The following PCBP2 variants were observed in gnomAD, a reference collection of about 807,000 sequenced individuals.
The protein encoded by PCBP2 is poly(rC)-binding protein 2.
Under a neutral mutation model 50.1 loss-of-function variants are expected in PCBP2, and 4 were observed. The ratio of observed to expected loss-of-function variants is 0.08; its 90% confidence interval spans 0.04 to 0.18. PCBP2 has a LOEUF of 0.18. Among genes scored for constraint, PCBP2 ranks in the 10% least tolerant of loss-of-function variants. The probability of loss-of-function intolerance (pLI) is 1.00; values close to 1 mark genes in which losing one functional copy is unlikely to be tolerated. For synonymous variants in PCBP2, 179 were observed against 168.0 expected, an observed-to-expected ratio of 1.07 and a Z score of -0.51; for missense variants, 161 against 474.3, an observed-to-expected ratio of 0.34 and a Z score of 6.14.
At chr12:53,475,510 G>A (rs1364557735) in intron 14 of PCBP2, 1 of 190,052 alleles carries the variant, frequency 5.3e-6, no homozygotes, top group African/African-American at 2.5e-5. Context: ...ATAACAATGT[G>A]TTAGGCTCTG....
At chr12:53,459,870 C>T (rs1446359421) in intron 6 of PCBP2, 2 of 454,396 alleles carry the variant, frequency 4.4e-6, no homozygotes, top group Non-Finnish European at 8.9e-6. Flanking sequence ...AGGCGATCCT[C>T]TCATCTCAGC....
intron 2 of PCBP2, 49 bp from the exon 3 acceptor site, chr12:53,455,298 G>A: frequency 2.6e-6 from 4 of 1,535,180 alleles, no homozygotes; most frequent in Non-Finnish European, 3.5e-6. Context: ...TTTTTAAAAA[G>A]GAATACTTCT....
chr12:53,474,596 A>G (rs1008252709), intron 14 of PCBP2, among the ~76,000 whole-genome samples: 3 of 152,230 alleles, frequency 2.0e-5, no homozygotes, highest in African/African-American at 4.8e-5. Flanking sequence ...TGTCAGATAC[A>G]TGAAGTATGT....
chr12:53,469,136 A>G (rs540464391), intron 13 of PCBP2, among the ~76,000 whole-genome samples: 1 of 152,158 alleles, frequency 6.6e-6, no homozygotes, highest in Non-Finnish European at 1.5e-5. Flanking sequence ...TCCCGAGCTC[A>G]GGTGATCCAC....
intron 9 of PCBP2, 166 bp downstream of exon 9, chr12:53,465,018 T>A: frequency 1.3e-6 from 1 of 796,972 alleles, no homozygotes; most frequent in Non-Finnish European, 1.7e-6. Context: ...CCAGGCCGCG[T>A]AGCCCACCAG....
At chr12:53,452,579 T>C (rs1285362157) in intron 1 of PCBP2, among the ~76,000 whole-genome samples, 1 of 148,142 alleles carries the variant, frequency 6.8e-6, no homozygotes, top group East Asian at 2.0e-4. Flanking sequence ...CAAGGCCTAT[T>C]CCCCCCTCCC....
At chr12:53,476,651 CA>C (rs534727604) in intron 14 of PCBP2, among the ~76,000 whole-genome samples, 2,363 of 135,418 alleles carry the variant, frequency 0.017, 33 homozygotes, top group African/African-American at 0.052. Context: ...CATTGGCTGA[CA>C]AAAAAAAAAA....
At chr12:53,456,911 A>G (rs146018637) in intron 5 of PCBP2, among the ~76,000 whole-genome samples, 48 of 148,978 alleles carry the variant, frequency 3.2e-4, no homozygotes, top group African/African-American at 1.0e-3. Flanking sequence ...GGTGCATGAA[A>G]TCTTATCTTT....
intron 5 of PCBP2, among the ~76,000 whole-genome samples, chr12:53,457,696 T>C (rs1415554920): frequency 6.6e-6 from 1 of 152,124 alleles, no homozygotes; most frequent in Admixed American, 6.5e-5. Context: ...GTACAAACTG[T>C]TTATTCCTTA....
intron 11 of PCBP2, 117 bp downstream of exon 11, chr12:53,467,410 T>A (rs747694725): frequency 1.1e-6 from 1 of 877,802 alleles, no homozygotes; most frequent in South Asian, 1.3e-5. Context: ...CCTGCTGGTT[T>A]AAACTTGCCT....
In PCBP2 at chr12:53,481,110, T is replaced by C. The variant is rs1461853784; in HGVS notation, c.*1668T>C. 6 of 322,636 alleles carry C rather than the reference T, an allele frequency of 1.9e-5. No individual in the cohort carries two copies. Among genetic ancestry groups the C allele is most frequent in the East Asian group, 1.2e-4 (1 of 8,368 alleles). The allele number at this position is 322,636 out of a possible 1,614,324, so 20.0% of individuals were successfully genotyped here. A position where few individuals can be genotyped will look rare whatever the true frequency, so the allele number is the denominator to read the frequency against. On this transcript the variant is annotated 3_prime_UTR_variant, in exon 15 of 15. Coordinates refer to ENST00000546463, the MANE Select transcript of PCBP2 (RefSeq NM_031989.5). Reference sequence around the variant, plus strand: ...ATCTTTCTGTTGATTATGTGGCGCATATATATATATATATGTATATATATA... The same window carrying C: ...ATCTTTCTGTTGATTATGTGGCGCACATATATATATATATGTATATATATA...
intron 13 of PCBP2, among the ~76,000 whole-genome samples, chr12:53,469,993 C>G (rs191361987): frequency 1.1e-4 from 17 of 152,108 alleles, no homozygotes; most frequent in Middle Eastern, 3.4e-3. Context: ...TGATCCCCCC[C>G]CTTCAGCCTC....
At chr12:53,457,606 A>G (rs1555205994) in intron 5 of PCBP2, among the ~76,000 whole-genome samples, 3 of 152,050 alleles carry the variant, frequency 2.0e-5, no homozygotes, top group Non-Finnish European at 4.4e-5. Context: ...TCAGCCTCCC[A>G]AAGTGCTGGG....
chr12:53,479,847 T>C lies in PCBP2; in HGVS notation c.*405T>C, dbSNP rs1488314682. On this transcript the variant is annotated 3_prime_UTR_variant, in exon 15 of 15. Coordinates refer to ENST00000546463, the MANE Select transcript of PCBP2 (RefSeq NM_031989.5). ...ATGCCACAGTGATTCATGTGGGTTTTATTCCTCTTGTCTTGCTGTTATTTT... is the reference window on the plus strand; with the variant it reads ...ATGCCACAGTGATTCATGTGGGTTTCATTCCTCTTGTCTTGCTGTTATTTT... 1 of 157,758 alleles carries C rather than the reference T, an allele frequency of 6.3e-6. No individual in the cohort carries two copies. The highest frequency in any genetic ancestry group is 1.4e-5 in the Non-Finnish European group (1 of 71,950). The allele number at this position is 157,758 out of a possible 1,614,324, so 9.8% of individuals were successfully genotyped here.
Position 53,476,439 on chromosome 12 carries a change from G to T in PCBP2, c.1053-2967G>T, listed in dbSNP as rs148715160. On this transcript the variant is annotated intron_variant, in intron 14 of 14. Transcript: ENST00000546463. ...ATCGTACTAACCTCCCTGAAATCTTGTTCATTTTCTTATACTAAGATGGGC... is the reference window on the plus strand; with the variant it reads ...ATCGTACTAACCTCCCTGAAATCTTTTTCATTTTCTTATACTAAGATGGGC... Among the ~76,000 whole-genome samples, 4 of 152,224 alleles carry T rather than the reference G, an allele frequency of 2.6e-5. No individual in the cohort carries two copies. The East Asian group carries it at 7.7e-4, about 29-fold the overall frequency.
At chr12:53,471,567 G>C in intron 13 of PCBP2, 71 bp from the exon 14 acceptor site, 3 of 1,373,500 alleles carry the variant, frequency 2.2e-6, no homozygotes, top group East Asian at 2.6e-5. Context: ...ATTTGGGGTG[G>C]GGGGGTGGGA....
chr12:53,455,206 A>C, intron 2 of PCBP2, 141 bp from the exon 3 acceptor site: 1 of 744,968 alleles, frequency 1.3e-6, no homozygotes. Flanking sequence ...CATAGATAGC[A>C]GTCTGTTGGC....
chr12:53,475,166 A>T (rs1942494379), intron 14 of PCBP2: 1 of 456,548 alleles, frequency 2.2e-6, no homozygotes, highest in Non-Finnish European at 4.4e-6. Flanking sequence ...CTGCCGTGCC[A>T]TGTGTAACTA....
intron 5 of PCBP2, among the ~76,000 whole-genome samples, chr12:53,458,345 C>G (rs1043601764): frequency 6.7e-6 from 1 of 149,924 alleles, no homozygotes; most frequent in East Asian, 2.0e-4. Flanking sequence ...TCATTCTGTT[C>G]CCTAGGCTGG....
Sources: gnomAD v4.1 joint callset for allele counts (sites outside exome capture counted in the v4.1 genomes callset) on GRCh38, gnomAD v4.1.1 for gene constraint, MANE v1.5 for transcripts, NCBI Gene and HGNC (gene_info 2026-07-23, HGNC 2026-07-21) for gene names.